Variants in PRELID2 observed in about 807,000 individuals in gnomAD.
PRELID2 encodes the protein PRELI domain-containing protein 2.
A neutral mutation model predicts 28.4 loss-of-function variants in PRELID2; 25 were observed. That is an observed-to-expected ratio of 0.88 (90% CI 0.64 to 1.23). PRELID2 has a LOEUF of 1.23. PRELID2 is among the 50% of genes most tolerant of loss of function. The pLI, the probability that PRELID2 is intolerant of heterozygous loss-of-function variation, is 0.00. For synonymous variants in PRELID2, 76 were observed against 71.6 expected (o/e 1.06, Z -0.31); for missense variants, 201 against 214.4 (o/e 0.94, Z 0.39).
intron 5 of PRELID2, among the ~76,000 whole-genome samples, chr5:145,767,300 C>T (rs1172463679): frequency 6.6e-6 from 1 of 152,052 alleles, no homozygotes; most frequent in Non-Finnish European, 1.5e-5. Flanking sequence ...AGCCAAACTC[C>T]AGGGGACAAT....
chr5:145,821,656 T>C (rs1413394029), intron 2 of PRELID2, among the ~76,000 whole-genome samples: 2 of 152,228 alleles, frequency 1.3e-5, no homozygotes, highest in Non-Finnish European at 2.9e-5. Flanking sequence ...CCAGAAGCTG[T>C]TGATAGGGTG....
chr5:145,613,186 G>T (rs1174703589), intron 1 of PRELID2, among the ~76,000 whole-genome samples: 1 of 152,048 alleles, frequency 6.6e-6, no homozygotes, highest in African/African-American at 2.4e-5. Flanking sequence ...CAGGAGTGAG[G>T]TAGTATCGCA....
chr5:145,430,997 C>A, the PRELID2 span, among the ~76,000 whole-genome samples: 27 of 137,294 alleles, frequency 2.0e-4, no homozygotes, highest in African/African-American at 7.1e-4. Flanking sequence ...GAATGAGGCC[C>A]TGGCAATGGT....
the PRELID2 span, among the ~76,000 whole-genome samples, chr5:145,257,044 AG>A: frequency 6.6e-6 from 1 of 151,922 alleles, no homozygotes; most frequent in Non-Finnish European, 1.5e-5. Flanking sequence ...GCAGAAAGAA[AG>A]AAAAAAATTC....
chr5:145,631,476 T>C (rs1232370223), intron 1 of PRELID2, among the ~76,000 whole-genome samples: 1 of 152,202 alleles, frequency 6.6e-6, no homozygotes, highest in Non-Finnish European at 1.5e-5. Context: ...AATATCTTTC[T>C]TCCTTATCCT....
At chr5:145,808,144 C>T (rs1159303187) in intron 4 of PRELID2, among the ~76,000 whole-genome samples, 4 of 152,046 alleles carry the variant, frequency 2.6e-5, no homozygotes, top group African/African-American at 4.8e-5. Context: ...TGTTTTGGGA[C>T]GAATACAGTA....
At chr5:145,442,048 C>T in the PRELID2 span, among the ~76,000 whole-genome samples, 1 of 152,082 alleles carries the variant, frequency 6.6e-6, no homozygotes, top group Non-Finnish European at 1.5e-5. Flanking sequence ...ACAAAGGAAA[C>T]AGTGGCCAGG....
intron 1 of PRELID2, among the ~76,000 whole-genome samples, chr5:145,681,091 G>A (rs1436492093): frequency 6.6e-6 from 1 of 152,164 alleles, no homozygotes; most frequent in East Asian, 1.9e-4. Context: ...CTCCGGTACT[G>A]GAAAAAAGTA....
At chr5:145,496,040 T>C (rs1301852533) in intron 1 of PRELID2, among the ~76,000 whole-genome samples, 2 of 152,204 alleles carry the variant, frequency 1.3e-5, no homozygotes, top group Admixed American at 6.5e-5. Flanking sequence ...TTTGTCTGTC[T>C]CAAGGGCTAA....
chr5:145,553,776 T>G (rs1036923658), intron 1 of PRELID2, among the ~76,000 whole-genome samples: 22 of 152,222 alleles, frequency 1.4e-4, no homozygotes, highest in Admixed American at 3.9e-4. Flanking sequence ...AGGTTTGTAT[T>G]TTAGAAAAAG....
intron 1 of PRELID2, among the ~76,000 whole-genome samples, chr5:145,513,884 C>A (rs913409114): frequency 3.3e-5 from 5 of 152,096 alleles, no homozygotes; most frequent in Non-Finnish European, 7.3e-5. Context: ...AATTTCATAT[C>A]CAGCCAAATT....
intron 1 of PRELID2, among the ~76,000 whole-genome samples, chr5:145,495,309 A>G (rs944727116): frequency 6.6e-6 from 1 of 152,222 alleles, no homozygotes; most frequent in East Asian, 1.9e-4. Context: ...TGATGCAAGG[A>G]TATAACACAG....
the PRELID2 span, among the ~76,000 whole-genome samples, chr5:145,461,592 G>A: frequency 2.6e-5 from 4 of 152,196 alleles, no homozygotes; most frequent in East Asian, 1.9e-4. Context: ...GTGAGCCATC[G>A]TGCCCGGCCT....
At chr5:145,381,012 C>G in the PRELID2 span, among the ~76,000 whole-genome samples, 2 of 152,088 alleles carry the variant, frequency 1.3e-5, no homozygotes, top group African/African-American at 4.8e-5. Flanking sequence ...AAGAATGATC[C>G]ACTGGAAATT....
chr5:145,733,164 A>G (rs1165672234), intron 1 of PRELID2, among the ~76,000 whole-genome samples: 2 of 152,026 alleles, frequency 1.3e-5, no homozygotes, highest in Non-Finnish European at 2.9e-5. Context: ...CGAGAGGCTG[A>G]GGTGGGAGGA....
intron 1 of PRELID2, among the ~76,000 whole-genome samples, chr5:145,569,773 G>A (rs1753001414): frequency 6.6e-6 from 1 of 152,204 alleles, no homozygotes; most frequent in Admixed American, 6.5e-5. Context: ...TTTACTGTGT[G>A]CCCGACACTG....
chr5:145,278,037 C>T, the PRELID2 span, among the ~76,000 whole-genome samples: 1 of 152,166 alleles, frequency 6.6e-6, no homozygotes, highest in Admixed American at 6.6e-5. Flanking sequence ...CTTTGAGACG[C>T]TCCAGAACCA....
the PRELID2 span, among the ~76,000 whole-genome samples, chr5:145,286,720 G>GTT: frequency 8.5e-6 from 1 of 117,886 alleles, no homozygotes; most frequent in South Asian, 2.8e-4. Flanking sequence ...TTGTTTGTTT[G>GTT]TTTGTTTTTT....
chr5:145,581,552 C>A (rs988578438), intron 1 of PRELID2, among the ~76,000 whole-genome samples: 1 of 152,056 alleles, frequency 6.6e-6, no homozygotes, highest in East Asian at 1.9e-4. Flanking sequence ...CCTGCCAGGT[C>A]ATATCCTTTC....
Sources: allele counts gnomAD v4.1 joint callset (sites outside exome capture counted in the v4.1 genomes callset), GRCh38; gene constraint gnomAD v4.1.1; transcripts MANE v1.5; gene names NCBI Gene and HGNC (gene_info 2026-07-23, HGNC 2026-07-21).